Variants in IL1RAPL1 observed in about 807,000 individuals in gnomAD.
The protein encoded by IL1RAPL1 is interleukin-1 receptor accessory protein-like 1.
In IL1RAPL1, 3 loss-of-function variants were observed where a neutral mutation model predicts 48.4. The observed-to-expected ratio is 0.06, with a 90% CI of 0.03 to 0.16. IL1RAPL1 has a LOEUF of 0.16. IL1RAPL1 is among the 10% of genes least tolerant of loss of function. The pLI is 1.00. For missense variants in IL1RAPL1, 349 were observed against 530.6 expected, an observed-to-expected ratio of 0.66 and a Z score of 3.36; for synonymous variants, 185 against 187.7, an observed-to-expected ratio of 0.99 and a Z score of 0.12.
chrX:28,672,943 T>C (rs1488226330), intron 1 of IL1RAPL1, among the ~76,000 whole-genome samples: 1 of 111,392 alleles, frequency 9.0e-6, no homozygotes, highest in Non-Finnish European at 1.9e-5. Context: ...CCTGATCCTC[T>C]CCCTCCTCCC....
At chrX:29,803,533 ATACATATATGTATATGTGTG>A (rs1601831993) in intron 6 of IL1RAPL1, among the ~76,000 whole-genome samples, 1 of 99,205 alleles carries the variant, frequency 1.0e-5, no homozygotes, top group Non-Finnish European at 2.0e-5. Flanking sequence ...GTATATATGT[ATACATATATGTATATGTGTG>A]TATATATGTA....
chrX:28,709,794 G>A (rs1413775399), intron 1 of IL1RAPL1, among the ~76,000 whole-genome samples: 1 of 111,497 alleles, frequency 9.0e-6, no homozygotes, highest in Non-Finnish European at 1.9e-5. Context: ...ATTGGTACAG[G>A]TTTTTAGGCA....
intron 5 of IL1RAPL1, among the ~76,000 whole-genome samples, chrX:29,615,517 G>C (rs1924260546): frequency 9.0e-6 from 1 of 111,005 alleles, no homozygotes; most frequent in Non-Finnish European, 1.9e-5. Flanking sequence ...CAGCACACCT[G>C]CCCAGACCAC....
intron 8 of IL1RAPL1, among the ~76,000 whole-genome samples, chrX:29,920,541 T>C (rs1024393196): frequency 6.3e-5 from 7 of 110,254 alleles, no homozygotes; most frequent in African/African-American, 2.3e-4. Context: ...ACACCTGTAA[T>C]CCCAGCACTG....
chrX:28,791,891 A>G (rs1936542268), intron 2 of IL1RAPL1, among the ~76,000 whole-genome samples: 1 of 111,794 alleles, frequency 8.9e-6, no homozygotes, highest in Non-Finnish European at 1.9e-5. Flanking sequence ...TATGTAGCTT[A>G]CTGAATAGTG....
chrX:29,497,018 A>G (rs755195540), intron 5 of IL1RAPL1, among the ~76,000 whole-genome samples: 8 of 113,059 alleles, frequency 7.1e-5, no homozygotes, highest in Non-Finnish European at 1.3e-4. Context: ...GAGGTTTGCA[A>G]TGCTAAGCCC....
intron 6 of IL1RAPL1, among the ~76,000 whole-genome samples, chrX:29,739,566 T>C (rs1928142073): frequency 8.9e-6 from 1 of 111,762 alleles, no homozygotes; most frequent in Non-Finnish European, 1.9e-5. Flanking sequence ...CATAAAAATA[T>C]AAAGTGTATT....
chrX:29,452,025 G>C (rs1034176743), intron 5 of IL1RAPL1, among the ~76,000 whole-genome samples: 7 of 111,217 alleles, frequency 6.3e-5, no homozygotes, highest in Non-Finnish European at 1.9e-5. Context: ...TATTCAGTTA[G>C]TCAAAGTCAA....
intron 2 of IL1RAPL1, among the ~76,000 whole-genome samples, chrX:28,964,695 A>G (rs1569209475): frequency 9.0e-6 from 1 of 111,082 alleles, no homozygotes; most frequent in African/African-American, 3.3e-5. Flanking sequence ...TAATTTTTCC[A>G]TTTTATTTTT....
intron 2 of IL1RAPL1, among the ~76,000 whole-genome samples, chrX:28,797,305 G>A (rs1569174933): frequency 8.9e-6 from 1 of 112,002 alleles, no homozygotes; most frequent in African/African-American, 3.2e-5. Context: ...AATTTCTGCA[G>A]CCAGCTTGAA....
chrX:29,437,095 AT>A (rs1214109192), intron 5 of IL1RAPL1, among the ~76,000 whole-genome samples: 1 of 111,375 alleles, frequency 9.0e-6, no homozygotes, highest in East Asian at 2.8e-4. Flanking sequence ...AAATTATTTA[AT>A]TTTTATTACT....
At chrX:29,657,289 G>C (rs111558458) in intron 5 of IL1RAPL1, among the ~76,000 whole-genome samples, 11,042 of 111,343 alleles carry the variant, frequency 0.099, 442 homozygotes, top group Middle Eastern at 0.2. Flanking sequence ...TCTTGCGTTT[G>C]TCTTTCCTGT....
intron 6 of IL1RAPL1, among the ~76,000 whole-genome samples, chrX:29,880,521 A>G (rs945104772): frequency 2.7e-5 from 3 of 112,001 alleles, no homozygotes; most frequent in African/African-American, 6.5e-5. Flanking sequence ...ACTGAGAGGT[A>G]AATGAATTAT....
At chrX:29,330,770 A>T (rs1421731694) in intron 3 of IL1RAPL1, among the ~76,000 whole-genome samples, 1 of 111,216 alleles carries the variant, frequency 9.0e-6, no homozygotes, top group Non-Finnish European at 1.9e-5. Context: ...ACCCAAGTCA[A>T]CCCAGTGTTG....
chrX:29,405,841 A>T (rs1934057975), intron 5 of IL1RAPL1, among the ~76,000 whole-genome samples: 1 of 104,050 alleles, frequency 9.6e-6, no homozygotes, highest in Middle Eastern at 4.3e-3. Context: ...TCAGATATTT[A>T]CTCTGCTCCA....
At chrX:28,800,848 TTTA>T (rs1170610766) in intron 2 of IL1RAPL1, among the ~76,000 whole-genome samples, 1 of 25,763 alleles carries the variant, frequency 3.9e-5, no homozygotes, top group African/African-American at 3.0e-4. Flanking sequence ...TTAAAGGGAT[TTTA>T]TTTATTTATT....
At chrX:29,590,440 G>T (rs1419086023) in intron 5 of IL1RAPL1, among the ~76,000 whole-genome samples, 1 of 111,792 alleles carries the variant, frequency 8.9e-6, no homozygotes, top group African/African-American at 3.3e-5. Context: ...CCAAGGGCAG[G>T]TATTTTCCCT....
intron 2 of IL1RAPL1, among the ~76,000 whole-genome samples, chrX:29,036,218 C>T (rs1926728891): frequency 8.9e-6 from 1 of 112,288 alleles, no homozygotes; most frequent in African/African-American, 3.2e-5. Flanking sequence ...GAACACATGC[C>T]ATCTTCCACT....
intron 5 of IL1RAPL1, among the ~76,000 whole-genome samples, chrX:29,402,986 G>C (rs991258312): frequency 2.7e-5 from 3 of 111,364 alleles, no homozygotes; most frequent in Admixed American, 9.6e-5. Context: ...CTGAGGTAGT[G>C]TTAGGTAGGT....
Sources: allele counts gnomAD v4.1 joint callset (sites outside exome capture counted in the v4.1 genomes callset), GRCh38; gene constraint gnomAD v4.1.1; transcripts MANE v1.5; gene names NCBI Gene and HGNC (gene_info 2026-07-23, HGNC 2026-07-21).